HPSE2: variants seen among roughly 807,000 people sequenced by gnomAD.
HPSE2 encodes the protein inactive heparanase-2.
HPSE2 carries 38 observed loss-of-function variants against 60.5 expected under a neutral mutation model. The observed-to-expected ratio is 0.63, with a 90% confidence interval of 0.48 to 0.82. The LOEUF is 0.82. Among genes scored for constraint, HPSE2 ranks in the 40% least tolerant of loss-of-function variants. HPSE2 has a pLI of 0.00. For synonymous variants in HPSE2, 295 were observed against 293.2 expected (o/e 1.01, Z -0.06); for missense variants, 713 against 740.4 (o/e 0.96, Z 0.43).
chr10:99,236,473 T>A (rs574514744), upstream of HPSE2, among the ~76,000 whole-genome samples: 3 of 151,940 alleles, frequency 2.0e-5, no homozygotes, highest in South Asian at 6.3e-4. Flanking sequence ...CCTTTTCTGG[T>A]TGAAGCAGCA....
chr10:98,606,572 G>A (rs1047047377), intron 9 of HPSE2, among the ~76,000 whole-genome samples: 40 of 152,298 alleles, frequency 2.6e-4, no homozygotes, highest in East Asian at 1.4e-3. Context: ...GTCTTCTGCC[G>A]TCAAATTTAG....
intron 9 of HPSE2, among the ~76,000 whole-genome samples, chr10:98,588,884 GAA>G (rs1449209794): frequency 2.0e-5 from 3 of 152,044 alleles, no homozygotes; most frequent in Admixed American, 2.0e-4. Flanking sequence ...AAAAAAAGGA[GAA>G]AGAGTTCAAA....
At chr10:98,504,832 C>T (rs931363318) in intron 9 of HPSE2, among the ~76,000 whole-genome samples, 3 of 151,042 alleles carry the variant, frequency 2.0e-5, no homozygotes, top group Non-Finnish European at 2.9e-5. Flanking sequence ...CATACTGTTG[C>T]ATTGAGTTAT....
chr10:99,093,490 G>A (rs974475900), intron 3 of HPSE2, among the ~76,000 whole-genome samples: 1 of 152,138 alleles, frequency 6.6e-6, no homozygotes, highest in Non-Finnish European at 1.5e-5. Flanking sequence ...AGTAATTTAT[G>A]AAGGGAAATT....
chr10:98,620,597 C>G lies in HPSE2; in HGVS notation c.1205+5G>C, dbSNP rs1346611192. 6.2e-7 allele frequency: 1 copy of G among 1,609,610 alleles called. No individual in the cohort carries two copies. Among genetic ancestry groups the G allele is most frequent in the Non-Finnish European group, 8.5e-7 (1 of 1,175,976 alleles). On this transcript the variant is annotated splice_donor_5th_base_variant and intron_variant, in intron 8 of 11. Coordinates refer to ENST00000370552, the MANE Select transcript of HPSE2 (RefSeq NM_021828.5). Reference sequence around the variant, plus strand: ...CCTGGGGGTGAACTTGCAGGTGTTACTCACAAGAATCCTGCAGCATAGGAA... The same window carrying G: ...CCTGGGGGTGAACTTGCAGGTGTTAGTCACAAGAATCCTGCAGCATAGGAA...
chr10:98,662,533 C>T (rs1000975154), intron 6 of HPSE2, among the ~76,000 whole-genome samples: 2 of 152,088 alleles, frequency 1.3e-5, no homozygotes, highest in African/African-American at 2.4e-5. Flanking sequence ...AAGAGGGGAA[C>T]AGACACTGGG....
At chr10:98,478,630 T>G (rs1256811674) in intron 11 of HPSE2, among the ~76,000 whole-genome samples, 2 of 152,208 alleles carry the variant, frequency 1.3e-5, no homozygotes, top group African/African-American at 2.4e-5. Flanking sequence ...TAAATTGCAC[T>G]CCTTGGTTTT....
intron 3 of HPSE2, among the ~76,000 whole-genome samples, chr10:98,922,050 A>G (rs915229756): frequency 5.3e-5 from 8 of 152,370 alleles, no homozygotes; most frequent in Admixed American, 3.3e-4. Context: ...TCTACTAACC[A>G]CAAGAAGAAA....
At chr10:99,154,766 T>A (rs1046318376) in intron 2 of HPSE2, among the ~76,000 whole-genome samples, 6 of 151,678 alleles carry the variant, frequency 4.0e-5, no homozygotes, top group Admixed American at 2.6e-4. Context: ...TAACTTTAAA[T>A]GTAAAGGGAC....
chr10:99,011,575 G>A lies in HPSE2; in HGVS notation c.610+132663C>T, dbSNP rs188508987. Among the ~76,000 whole-genome samples the A allele has an allele frequency of 1.2e-4, 18 of 151,838 alleles. No individual in the cohort carries two copies. In the East Asian group the frequency reaches 2.7e-3, roughly 23 times the overall value. On this transcript the variant is annotated intron_variant, in intron 3 of 11. Coordinates refer to ENST00000370552, the MANE Select transcript of HPSE2 (RefSeq NM_021828.5). The stretch of plus-strand genomic sequence containing the variant: ...GATAGAGACCATCCTAGCCAACGTC[G>A]TGAAACCCCATCTCTACTAAAAATA...
intron 3 of HPSE2, among the ~76,000 whole-genome samples, chr10:99,134,892 A>G (rs1845583577): frequency 6.6e-6 from 1 of 152,168 alleles, no homozygotes; most frequent in South Asian, 2.1e-4. Flanking sequence ...TAAACAGACT[A>G]AATGCCCCAA....
At chr10:98,953,194 T>C (rs1235995188) in intron 3 of HPSE2, among the ~76,000 whole-genome samples, 1 of 152,140 alleles carries the variant, frequency 6.6e-6, no homozygotes, top group Non-Finnish European at 1.5e-5. Context: ...CTGGCAACTC[T>C]AAGATGTTCC....
intron 3 of HPSE2, among the ~76,000 whole-genome samples, chr10:98,873,923 T>C (rs566705615): frequency 6.6e-6 from 1 of 152,292 alleles, no homozygotes; most frequent in South Asian, 2.1e-4. Context: ...CATGAAATGG[T>C]ATCTCATTGC....
chr10:99,089,861 T>C (rs1373322173), intron 3 of HPSE2, among the ~76,000 whole-genome samples: 1 of 152,206 alleles, frequency 6.6e-6, no homozygotes, highest in Non-Finnish European at 1.5e-5. Flanking sequence ...CAGCAGTCTT[T>C]CATAGTTTTC....
the HPSE2 span, among the ~76,000 whole-genome samples, chr10:99,311,086 C>A: frequency 6.6e-6 from 1 of 151,908 alleles, no homozygotes; most frequent in East Asian, 1.9e-4. Context: ...TTCTCTGATA[C>A]AAAAAAGTAT....
chr10:98,988,287 C>G (rs1956424359), intron 3 of HPSE2, among the ~76,000 whole-genome samples: 1 of 152,298 alleles, frequency 6.6e-6, no homozygotes, highest in African/African-American at 2.4e-5. Flanking sequence ...CTACTGGTAC[C>G]AAAACAGAGA....
intron 2 of HPSE2, among the ~76,000 whole-genome samples, chr10:99,197,866 G>A (rs1848453617): frequency 6.6e-6 from 1 of 152,086 alleles, no homozygotes; most frequent in Non-Finnish European, 1.5e-5. Flanking sequence ...TTTGAGACCA[G>A]CCTGGCCAAC....
chr10:99,133,069 A>G (rs1845508087), intron 3 of HPSE2, among the ~76,000 whole-genome samples: 2 of 152,166 alleles, frequency 1.3e-5, no homozygotes. Context: ...AGGGGCGTCT[A>G]CCATTGTTGA....
At chr10:99,196,303 A>G (rs1246358947) in intron 2 of HPSE2, among the ~76,000 whole-genome samples, 2 of 152,162 alleles carry the variant, frequency 1.3e-5, no homozygotes, top group Admixed American at 1.3e-4. Flanking sequence ...CTGGGCAAAA[A>G]ATTGTTGAGT....
Sources: allele counts gnomAD v4.1 joint callset (sites outside exome capture counted in the v4.1 genomes callset), GRCh38; gene constraint gnomAD v4.1.1; transcripts MANE v1.5; gene names NCBI Gene and HGNC (gene_info 2026-07-23, HGNC 2026-07-21).